RPRD1A: variants seen among roughly 807,000 people sequenced by gnomAD.
RPRD1A encodes the protein regulation of nuclear pre-mRNA domain containing 1A.
Under a neutral mutation model 37.8 loss-of-function variants are expected in RPRD1A, and 9 were observed. The ratio of observed to expected loss-of-function variants is 0.24; its 90% CI spans 0.14 to 0.42. The LOEUF (loss-of-function observed/expected upper bound fraction) is 0.42, where lower values mean the gene tolerates loss of function less well. Ranked by LOEUF, RPRD1A falls within the 10% of genes least tolerant of loss-of-function variation. The pLI is 1.00. For missense variants in RPRD1A, 255 were observed against 371.0 expected (o/e 0.69, Z 2.57); for synonymous variants, 138 against 139.7 (o/e 0.99, Z 0.08).
chr18:35,994,425 C>T (rs1908900469), intron 6 of RPRD1A, among the ~76,000 whole-genome samples: 1 of 152,166 alleles, frequency 6.6e-6, no homozygotes, highest in South Asian at 2.1e-4. Context: ...TTAAAAACTA[C>T]ATTATATGTA....
At chr18:36,012,478 C>T (rs976568655) in intron 6 of RPRD1A, among the ~76,000 whole-genome samples, 2 of 152,184 alleles carry the variant, frequency 1.3e-5, no homozygotes, top group Non-Finnish European at 2.9e-5. Context: ...CAGTGTATTA[C>T]AACTGCCTAC....
Position 36,027,306 on chromosome 18 carries a change from A to G in RPRD1A, c.491T>C (p.Leu164Pro). The change falls in exon 5 of 7, where the codon CTA becomes CCA. Residue 164 changes from leucine (L) to proline (P), a missense_variant. By Grantham distance (98) the Leu-to-Pro change is moderately conservative. Around this residue, in one of 2 missense-constraint regions of RPRD1A, gnomAD observed 211 missense variants for 268.9 expected, o/e 0.78. Coordinates refer to ENST00000399022, the MANE Select transcript of RPRD1A (RefSeq NM_018170.5). Reference sequence around the variant, plus strand: ...ATCTTGTAATGCTCTAACGAGATCTAGAGTCTAAAAAGTACACAACTTCAG... The same window carrying G: ...ATCTTGTAATGCTCTAACGAGATCTGGAGTCTAAAAAGTACACAACTTCAG... ...LGSPSEPPQT[L>P]DLVRALQDLE... 3 of 1,613,756 alleles carry G rather than the reference A, an allele frequency of 1.9e-6. No homozygotes were observed. The highest frequency in any genetic ancestry group is 2.5e-6 in the Non-Finnish European group (3 of 1,179,780).
chr18:36,006,736 G>C (rs1346013931), intron 6 of RPRD1A, among the ~76,000 whole-genome samples: 1 of 152,162 alleles, frequency 6.6e-6, no homozygotes, highest in Non-Finnish European at 1.5e-5. Context: ...TGGATGATTA[G>C]CCAGAAAGGG....
At chr18:36,022,559 T>C (rs138462605) in intron 6 of RPRD1A, among the ~76,000 whole-genome samples, 60 of 152,362 alleles carry the variant, frequency 3.9e-4, no homozygotes, top group African/African-American at 1.2e-3. Context: ...TTAAGAATTA[T>C]GCTAAATTTA....
chr18:36,029,229 T>C (rs544008658), intron 4 of RPRD1A, among the ~76,000 whole-genome samples: 2 of 152,298 alleles, frequency 1.3e-5, no homozygotes, highest in South Asian at 4.1e-4. Flanking sequence ...CTGAGACTAA[T>C]ATAAATCCAC....
chr18:36,047,670 A>G (rs1051768629), intron 1 of RPRD1A, among the ~76,000 whole-genome samples: 4 of 152,168 alleles, frequency 2.6e-5, no homozygotes, highest in Non-Finnish European at 5.9e-5. Context: ...AGGCATCCAA[A>G]GGATAAAAAG....
intron 6 of RPRD1A, chr18:36,025,436 G>A: frequency 3.0e-6 from 1 of 334,852 alleles, no homozygotes; most frequent in Non-Finnish European, 5.7e-6. Flanking sequence ...AAAGGGGGTT[G>A]TGGGGAGTGG....
intron 6 of RPRD1A, among the ~76,000 whole-genome samples, chr18:36,015,163 T>C (rs907836534): frequency 0.025 from 2,476 of 98,382 alleles, 65 homozygotes; most frequent in African/African-American, 0.094. Flanking sequence ...CACACATATA[T>C]ACACATATAT....
chr18:36,019,102 ATTTTTT>A (rs946306446), intron 6 of RPRD1A, among the ~76,000 whole-genome samples: 5 of 118,534 alleles, frequency 4.2e-5, no homozygotes, highest in African/African-American at 1.3e-4. Context: ...GGGACCATTG[ATTTTTT>A]TTTTTTTTTT....
intron 1 of RPRD1A, among the ~76,000 whole-genome samples, chr18:36,057,032 C>CAGCT (rs1382236909): frequency 2.0e-5 from 2 of 101,862 alleles, no homozygotes; most frequent in Non-Finnish European, 3.6e-5. Flanking sequence ...CTCAGCAACA[C>CAGCT]AGCTAGACCC....
At chr18:36,034,959 C>A (rs755272280) in intron 1 of RPRD1A, among the ~76,000 whole-genome samples, 2 of 152,174 alleles carry the variant, frequency 1.3e-5, no homozygotes, top group Non-Finnish European at 2.9e-5. Context: ...CACTGTATAA[C>A]CTGGTTTGTC....
intron 4 of RPRD1A, among the ~76,000 whole-genome samples, chr18:36,028,698 T>C (rs564474001): frequency 1.3e-5 from 2 of 152,278 alleles, no homozygotes; most frequent in South Asian, 4.1e-4. Flanking sequence ...CAGAGGAGAA[T>C]GAAATGAGTT....
At chr18:36,035,685 A>G (rs915106785) in intron 1 of RPRD1A, among the ~76,000 whole-genome samples, 3 of 152,240 alleles carry the variant, frequency 2.0e-5, no homozygotes, top group Non-Finnish European at 4.4e-5. Flanking sequence ...GCCAAGAGTT[A>G]AGAGCAACCT....
At chr18:36,044,199 A>T (rs1477681491) in intron 1 of RPRD1A, among the ~76,000 whole-genome samples, 1 of 152,118 alleles carries the variant, frequency 6.6e-6, no homozygotes, top group African/African-American at 2.4e-5. Flanking sequence ...TCAAAGGCAG[A>T]AGGGGTGAAG....
At chr18:36,036,641 A>G (rs1912211942) in intron 1 of RPRD1A, among the ~76,000 whole-genome samples, 1 of 152,202 alleles carries the variant, frequency 6.6e-6, no homozygotes, top group Non-Finnish European at 1.5e-5. Flanking sequence ...TTTCAGGGAA[A>G]GAAATTTACT....
chr18:36,012,060 C>A (rs557510666), intron 6 of RPRD1A, among the ~76,000 whole-genome samples: 1 of 152,172 alleles, frequency 6.6e-6, no homozygotes, highest in Admixed American at 6.5e-5. Flanking sequence ...CACCCCCATA[C>A]AATGTGACTG....
rs1908691773 is a variant in RPRD1A, at chr18:35,991,034, C to G, written c.*2117G>C. 2 of 152,122 alleles carry G rather than the reference C, an allele frequency of 1.3e-5. No individual in the cohort carries two copies. Among genetic ancestry groups the G allele is most frequent in the African/African-American group, 4.8e-5 (2 of 41,410 alleles). The allele number at this position is 152,122 out of a possible 1,614,324, so 9.4% of individuals were successfully genotyped here. A position where few individuals can be genotyped will look rare whatever the true frequency, so the allele number is the denominator to read the frequency against. On this transcript the variant is annotated 3_prime_UTR_variant, in exon 7 of 7. Transcript: ENST00000399022. ...GCATTTTTATCATAAATATTTAGAG[C>G]AGATACTGGCATTAAAATCAGTATC...
At position 36,016,469 on chromosome 18, in the gene RPRD1A, C is replaced by T. The variant is rs181052318; in HGVS notation, c.789+10431G>A. Among the ~76,000 whole-genome samples, 22 of 152,282 alleles carry T rather than the reference C, an allele frequency of 1.4e-4. No homozygotes were observed. The East Asian group carries it at 2.5e-3, about 17-fold the overall frequency. ...AACTCCTGACCTCAGATGATCCGCC[C>T]GCCTCGGCTTCCCATAGTGCTGGGA... On this transcript the variant is annotated intron_variant, in intron 6 of 6. Coordinates refer to ENST00000399022, the MANE Select transcript of RPRD1A (RefSeq NM_018170.5).
intron 6 of RPRD1A, among the ~76,000 whole-genome samples, chr18:36,020,125 G>A (rs919994583): frequency 1.6e-4 from 24 of 152,180 alleles, no homozygotes; most frequent in African/African-American, 4.8e-4. Flanking sequence ...ATGACCGAAA[G>A]TAATGTAATT....
Sources: gnomAD v4.1 joint callset for allele counts (sites outside exome capture counted in the v4.1 genomes callset) on GRCh38, gnomAD v4.1.1 for gene constraint, gnomAD v4.1.1 regional missense constraint, MANE v1.5 for transcripts, NCBI Gene and HGNC (gene_info 2026-07-23, HGNC 2026-07-21) for gene names.